Variants in CAST observed in about 807,000 individuals in gnomAD.
CAST encodes calpastatin.
Under a neutral mutation model 119.6 loss-of-function variants are expected in CAST, and 76 were observed. The observed-to-expected ratio is 0.64, with a 90% CI of 0.53 to 0.77. The LOEUF (loss-of-function observed/expected upper bound fraction) is 0.77, where lower values mean the gene tolerates loss of function less well. Ranked by LOEUF, CAST falls within the 30% of genes least tolerant of loss-of-function variation. The pLI, the probability that CAST is intolerant of heterozygous loss-of-function variation, is 0.00. For synonymous variants in CAST, 319 were observed against 331.6 expected, an observed-to-expected ratio of 0.96 and a Z score of 0.41; for missense variants, 953 against 946.5, an observed-to-expected ratio of 1.01 and a Z score of -0.09.
the CAST span, among the ~76,000 whole-genome samples, chr5:96,186,097 A>G: frequency 6.6e-6 from 1 of 151,886 alleles, no homozygotes; most frequent in African/African-American, 2.4e-5. Context: ...TAGATATTTT[A>G]TTCTTTTTGT....
the CAST span, among the ~76,000 whole-genome samples, chr5:96,014,978 G>T: frequency 6.6e-6 from 1 of 152,070 alleles, no homozygotes; most frequent in Admixed American, 6.5e-5. Flanking sequence ...AACATTTTAC[G>T]GGTATCAGCT....
At chr5:96,578,145 A>G (rs975779506) in intron 1 of CAST, among the ~76,000 whole-genome samples, 13 of 152,128 alleles carry the variant, frequency 8.5e-5, no homozygotes, top group Non-Finnish European at 1.5e-4. Context: ...ATGACTTTCT[A>G]GTGAACTAAT....
the CAST span, among the ~76,000 whole-genome samples, chr5:96,206,668 T>C: frequency 6.6e-6 from 1 of 152,272 alleles, no homozygotes; most frequent in African/African-American, 2.4e-5. Flanking sequence ...TCTATGTGTC[T>C]AATTTTGTAC....
intron 1 of CAST, among the ~76,000 whole-genome samples, chr5:96,545,516 CT>C (rs573091080): frequency 1.6e-4 from 25 of 152,260 alleles, no homozygotes; most frequent in Admixed American, 4.6e-4. Flanking sequence ...AAATAAATCT[CT>C]GCCTCTCCAT....
chr5:96,144,174 G>T, the CAST span, among the ~76,000 whole-genome samples: 1 of 152,006 alleles, frequency 6.6e-6, no homozygotes, highest in Non-Finnish European at 1.5e-5. Context: ...CATCCGTTTT[G>T]GTGGAAACAT....
intron 1 of CAST, among the ~76,000 whole-genome samples, chr5:96,542,317 A>AG (rs70981826): frequency 2.5e-4 from 38 of 150,990 alleles, no homozygotes; most frequent in African/African-American, 6.8e-4. Context: ...TCAAAAAAAA[A>AG]AAAAAAGACA....
intron 2 of CAST, among the ~76,000 whole-genome samples, chr5:96,676,945 T>G (rs529483788): frequency 6.6e-5 from 10 of 151,160 alleles, no homozygotes; most frequent in African/African-American, 2.4e-4. Context: ...TCCCAGCTAC[T>G]CTGGAAGCTG....
At chr5:96,676,728 AC>A (rs201393952) in intron 2 of CAST, among the ~76,000 whole-genome samples, 4,411 of 150,316 alleles carry the variant, frequency 0.029, 172 homozygotes, top group African/African-American at 0.088. Context: ...AAAAAAAAAA[AC>A]CACAAATTTT....
the CAST span, among the ~76,000 whole-genome samples, chr5:96,228,005 G>C: frequency 0.013 from 1,024 of 78,356 alleles, 14 homozygotes; most frequent in Admixed American, 0.021. Flanking sequence ...TTCTCTCTCT[G>C]TGTGTGTGTG....
At chr5:96,662,335 C>CAAAA, upstream of CAST, 1 of 982,262 alleles carries the variant, frequency 1.0e-6, no homozygotes, top group Non-Finnish European at 1.3e-6. Flanking sequence ...CTCCCTCCCT[C>CAAAA]CCTCTCTCCC....
At chr5:96,330,063 CA>C in the CAST span, among the ~76,000 whole-genome samples, 2 of 152,190 alleles carry the variant, frequency 1.3e-5, no homozygotes, top group African/African-American at 4.8e-5. Context: ...CAGAGTTAGT[CA>C]TTTCTGCCAA....
At chr5:96,117,552 C>T in the CAST span, among the ~76,000 whole-genome samples, 2 of 152,080 alleles carry the variant, frequency 1.3e-5, no homozygotes, top group East Asian at 3.9e-4. Context: ...GCAGAAAGAA[C>T]GTGTGGGAAA....
chr5:96,440,821 C>A, the CAST span, among the ~76,000 whole-genome samples: 4 of 152,168 alleles, frequency 2.6e-5, no homozygotes, highest in East Asian at 5.8e-4. Context: ...AAGGCAGAGG[C>A]AATGGCTTTA....
At chr5:96,274,819 C>G in the CAST span, among the ~76,000 whole-genome samples, 10 of 152,144 alleles carry the variant, frequency 6.6e-5, no homozygotes, top group Non-Finnish European at 1.5e-4. Flanking sequence ...TTCATTCTGT[C>G]GTGGAAATGC....
chr5:96,401,450 G>T, the CAST span, among the ~76,000 whole-genome samples: 2 of 152,204 alleles, frequency 1.3e-5, no homozygotes, highest in Admixed American at 1.3e-4. Context: ...CAGAAAGGGA[G>T]CTTATACTTT....
the CAST span, among the ~76,000 whole-genome samples, chr5:96,261,748 C>A: frequency 6.1e-4 from 93 of 152,194 alleles, no homozygotes; most frequent in Middle Eastern, 3.4e-3. Context: ...AAAAAAAGGC[C>A]CCTGAATTTT....
the CAST span, among the ~76,000 whole-genome samples, chr5:96,454,083 A>AATAT: frequency 6.8e-6 from 1 of 147,352 alleles, no homozygotes; most frequent in Non-Finnish European, 1.5e-5. Flanking sequence ...TAATTCTCCA[A>AATAT]ATATATCTTT....
chr5:96,765,953 T>C, intron 26 of CAST, 100 bp from the exon 27 acceptor site: 2 of 718,114 alleles, frequency 2.8e-6, no homozygotes, highest in Non-Finnish European at 4.9e-6. Flanking sequence ...ATGTTTTGCC[T>C]CATGAAAGTA....
At chr5:96,601,709 C>A (rs182003) in intron 1 of CAST, among the ~76,000 whole-genome samples, 72,802 of 151,686 alleles carry the variant, frequency 0.48, 17,768 homozygotes, top group Middle Eastern at 0.53. Flanking sequence ...TTCCTTTGTG[C>A]ATCTGAAAAT....
Sources: allele counts gnomAD v4.1 joint callset (sites outside exome capture counted in the v4.1 genomes callset), GRCh38; gene constraint gnomAD v4.1.1; transcripts MANE v1.5; gene names NCBI Gene and HGNC (gene_info 2026-07-23, HGNC 2026-07-21).